Variants in DYRK1A observed in about 807,000 individuals in gnomAD.
DYRK1A encodes the protein dual specificity tyrosine phosphorylation regulated kinase 1A.
Under a neutral mutation model 79.7 loss-of-function variants are expected in DYRK1A, and 9 were observed. The observed-to-expected ratio is 0.11, with a 90% confidence interval of 0.07 to 0.20. The LOEUF (loss-of-function observed/expected upper bound fraction) is 0.20, where lower values mean the gene tolerates loss of function less well. DYRK1A is among the 10% of genes least tolerant of loss of function. The pLI is 1.00. For synonymous variants in DYRK1A, 349 were observed against 329.7 expected (o/e 1.06, Z -0.63); for missense variants, 622 against 956.0 (o/e 0.65, Z 4.61).
Position 37,465,389 on chromosome 21 carries a change from T to TG in DYRK1A, c.11-7291dup, listed in dbSNP as rs149368382. Among the ~76,000 whole-genome samples the TG allele has an allele frequency of 9.1e-3, 1,390 of 152,272 alleles. 19 individuals are homozygous for TG. The highest frequency in any genetic ancestry group is 0.032 in the African/African-American group (1,334 of 41,558). The stretch of plus-strand genomic sequence containing the variant: ...TTTATAACTAGAAAAGTAAATCTAT[T>TG]GGGGAAAAAAAACCCTCTAGTGTAT... On this transcript the variant is annotated intron_variant, in intron 2 of 11. Coordinates refer to ENST00000647188, the MANE Select transcript of DYRK1A (RefSeq NM_001347721.2).
At chr21:37,437,115 T>C (rs1046651226) in intron 2 of DYRK1A, among the ~76,000 whole-genome samples, 6 of 152,122 alleles carry the variant, frequency 3.9e-5, no homozygotes, top group Non-Finnish European at 8.8e-5. Flanking sequence ...TTTACTAAGG[T>C]AGATGGTAGA....
intron 4 of DYRK1A, among the ~76,000 whole-genome samples, chr21:37,478,976 GTGGCTTCAACTC>G (rs1453489995): frequency 1.3e-5 from 2 of 152,124 alleles, no homozygotes; most frequent in African/African-American, 4.8e-5. Context: ...CCATTTGCTT[GTGGCTTCAACTC>G]TGTCTCCAAA....
Position 37,384,988 on chromosome 21 carries a change from C to T in DYRK1A, c.-77+17360C>T, listed in dbSNP as rs533980294. On this transcript the variant is annotated intron_variant, in intron 1 of 11. Transcript: ENST00000647188. ...TTAGCAGACAAGGTTGTTAAAGTGG[C>T]TGTCATAAAATGCAGGATCAGATTG... Among the ~76,000 whole-genome samples the T allele has an allele frequency of 4.7e-4, 72 of 152,074 alleles. No individual in the cohort carries two copies. In the South Asian group the frequency reaches 6.4e-3, roughly 14 times the overall value.
chr21:37,388,100 ATTTTTTTTT>A (rs34571307), intron 1 of DYRK1A, among the ~76,000 whole-genome samples: 6 of 116,638 alleles, frequency 5.1e-5, no homozygotes, highest in Admixed American at 9.3e-5. Context: ...CTTCCCTTTG[ATTTTTTTTT>A]TTTTTTTTTT....
chr21:37,467,885 GA>G (rs887031148), intron 2 of DYRK1A, among the ~76,000 whole-genome samples: 1 of 152,104 alleles, frequency 6.6e-6, no homozygotes, highest in Non-Finnish European at 1.5e-5. Flanking sequence ...GCAAGGGAAA[GA>G]ATAAGGATTG....
chr21:37,432,473 A>G (rs755617138), intron 2 of DYRK1A, among the ~76,000 whole-genome samples: 12 of 152,202 alleles, frequency 7.9e-5, no homozygotes, highest in Admixed American at 3.3e-4. Flanking sequence ...TGGCAGCCTC[A>G]CTTTAGAGAA....
In DYRK1A at chr21:37,496,171, T is replaced by A; in HGVS notation, c.1125T>A (p.Ile375=). Reference sequence around the variant, plus strand: ...TTCTGGGTATTCCACCTGCTCATATTCTTGACCAAGCACCAAAAGCAAGAA... The same window carrying A: ...TTCTGGGTATTCCACCTGCTCATATACTTGACCAAGCACCAAAAGCAAGAA... ...VEVLGIPPAH[I]LDQAPKARKF... is the part of the protein sequence containing the mutation. Residue 375 remains isoleucine (I), a synonymous_variant, in exon 9 of 12, where the codon ATT becomes ATA. Coordinates refer to ENST00000647188, the MANE Select transcript of DYRK1A (RefSeq NM_001347721.2). 6.2e-7 allele frequency: 1 copy of A among 1,614,130 alleles called. No individual in the cohort carries two copies. The highest frequency in any genetic ancestry group is 8.5e-7 in the Non-Finnish European group (1 of 1,179,994).
chr21:37,445,863 G>A (rs550032082), intron 2 of DYRK1A, among the ~76,000 whole-genome samples: 1 of 152,270 alleles, frequency 6.6e-6, no homozygotes, highest in South Asian at 2.1e-4. Context: ...ATTCTTACTG[G>A]CAGGGCACAG....
chr21:37,385,144 T>C (rs2049735373), intron 1 of DYRK1A, among the ~76,000 whole-genome samples: 1 of 152,114 alleles, frequency 6.6e-6, no homozygotes, highest in Non-Finnish European at 1.5e-5. Context: ...GCAGGGACTA[T>C]GGTAGAAGAA....
intron 4 of DYRK1A, among the ~76,000 whole-genome samples, chr21:37,479,523 T>C (rs1394724742): frequency 1.3e-5 from 2 of 151,784 alleles, no homozygotes; most frequent in African/African-American, 4.8e-5. Flanking sequence ...GTTTACCAGT[T>C]ACCTGGACTG....
chr21:37,438,751 G>A (rs1300763852), intron 2 of DYRK1A, among the ~76,000 whole-genome samples: 1 of 152,090 alleles, frequency 6.6e-6, no homozygotes, highest in Non-Finnish European at 1.5e-5. Flanking sequence ...ATGCAATCAG[G>A]TAGTCTTAAT....
chr21:37,408,083 TA>T (rs2050180602), intron 1 of DYRK1A, among the ~76,000 whole-genome samples: 1 of 152,222 alleles, frequency 6.6e-6, no homozygotes, highest in African/African-American at 2.4e-5. Context: ...ATTTCATGAA[TA>T]ATAGTTGCTC....
intron 1 of DYRK1A, among the ~76,000 whole-genome samples, chr21:37,406,013 C>T (rs1326828535): frequency 6.6e-6 from 1 of 151,334 alleles, no homozygotes; most frequent in African/African-American, 2.4e-5. Flanking sequence ...TATGGTCATT[C>T]CTCTTTTTTT....
chr21:37,430,301 C>G (rs2050741925), intron 2 of DYRK1A: 7 of 969,848 alleles, frequency 7.2e-6, no homozygotes, highest in Non-Finnish European at 8.6e-6. Flanking sequence ...GAGAACTATA[C>G]TGGAAGAACA....
intron 1 of DYRK1A, among the ~76,000 whole-genome samples, chr21:37,411,528 A>G (rs1332488534): frequency 6.6e-6 from 1 of 152,190 alleles, no homozygotes; most frequent in Non-Finnish European, 1.5e-5. Flanking sequence ...CAGAAATTGT[A>G]TATTCAGTTT....
At position 37,479,848 on chromosome 21, in the gene DYRK1A, C is replaced by T. The variant is rs368879384; in HGVS notation, c.301-790C>T. ...TTCACCGTGTTAGCCAGGATGGTCTCGATCTCCTGACCTCGTGATCCACCC... is the reference window on the plus strand; with the variant it reads ...TTCACCGTGTTAGCCAGGATGGTCTTGATCTCCTGACCTCGTGATCCACCC... On this transcript the variant is annotated intron_variant, in intron 4 of 11. Transcript: ENST00000647188. 1.3e-3 allele frequency among the ~76,000 whole-genome samples: 193 copies of T among 151,710 alleles called. 1 individual carries two copies. The highest frequency in any genetic ancestry group is 7.6e-3 in the East Asian group (39 of 5,140).
At chr21:37,386,550 C>T (rs1018406266) in intron 1 of DYRK1A, among the ~76,000 whole-genome samples, 5 of 152,208 alleles carry the variant, frequency 3.3e-5, no homozygotes, top group Non-Finnish European at 5.9e-5. Context: ...TAGGTAATCA[C>T]TTTTTCCTCA....
intron 8 of DYRK1A, among the ~76,000 whole-genome samples, chr21:37,493,950 T>TTC (rs1325051767): frequency 1.4e-5 from 2 of 147,590 alleles, no homozygotes; most frequent in African/African-American, 2.5e-5. Flanking sequence ...TTTTTTTTTT[T>TTC]TTTTCCCGGA....
intron 1 of DYRK1A, among the ~76,000 whole-genome samples, chr21:37,369,534 T>A (rs1289017831): frequency 6.6e-6 from 1 of 152,232 alleles, no homozygotes; most frequent in Non-Finnish European, 1.5e-5. Flanking sequence ...GCCAGAAAGT[T>A]AAGGATTTCT....
Sources: gnomAD v4.1 joint callset for allele counts (sites outside exome capture counted in the v4.1 genomes callset) on GRCh38, gnomAD v4.1.1 for gene constraint, MANE v1.5 for transcripts, NCBI Gene and HGNC (gene_info 2026-07-23, HGNC 2026-07-21) for gene names.